The following CLIC4 variants were observed in gnomAD, a reference collection of about 807,000 sequenced individuals.
CLIC4 encodes chloride intracellular channel protein 4.
A neutral mutation model predicts 24.6 loss-of-function variants in CLIC4; 13 were observed. The observed-to-expected ratio is 0.53, with a 90% CI of 0.34 to 0.84. The LOEUF is 0.84. Among genes scored for constraint, CLIC4 ranks in the 40% least tolerant of loss-of-function variants. The pLI is 0.01. For synonymous variants in CLIC4, 104 were observed against 111.3 expected, an observed-to-expected ratio of 0.93 and a Z score of 0.41; for missense variants, 227 against 301.7, an observed-to-expected ratio of 0.75 and a Z score of 1.83.
At chr1:24,825,078 A>T (rs1639774648) in intron 3 of CLIC4, among the ~76,000 whole-genome samples, 1 of 151,904 alleles carries the variant, frequency 6.6e-6, no homozygotes, top group Admixed American at 6.6e-5. Context: ...GAGGGACAAC[A>T]GGGCATATTA....
At chr1:24,829,021 C>T (rs982876948) in intron 4 of CLIC4, among the ~76,000 whole-genome samples, 9 of 152,116 alleles carry the variant, frequency 5.9e-5, no homozygotes, top group African/African-American at 1.9e-4. Context: ...GTATGTTTGC[C>T]GCAGGCCTCA....
At position 24,841,241 on chromosome 1, in the gene CLIC4, A is replaced by G. The variant is rs550159891; in HGVS notation, c.*304A>G. On this transcript the variant is annotated 3_prime_UTR_variant, in exon 6 of 6. Coordinates refer to ENST00000374379, the MANE Select transcript of CLIC4 (RefSeq NM_013943.3). ...TTGCCATCTCTCAGGAGCCCTCACCATTGTGTCCATTCACTGTGTATAGAT... is the reference window on the plus strand; with the variant it reads ...TTGCCATCTCTCAGGAGCCCTCACCGTTGTGTCCATTCACTGTGTATAGAT... 10 of 204,234 alleles carry G rather than the reference A, an allele frequency of 4.9e-5. No homozygotes were observed. The highest frequency in any genetic ancestry group is 7.8e-5 in the Non-Finnish European group (8 of 102,200). 12.7% of individuals were successfully genotyped at this position (204,234 alleles called of 1,614,324 possible). A position where few individuals can be genotyped will look rare whatever the true frequency, so the allele number is the denominator to read the frequency against.
At chr1:24,768,918 A>C (rs1445974382) in intron 1 of CLIC4, among the ~76,000 whole-genome samples, 1 of 151,606 alleles carries the variant, frequency 6.6e-6, no homozygotes, top group African/African-American at 2.4e-5. Context: ...AAAAAAAAAA[A>C]AAGAAAAAGA....
chr1:24,758,053 C>T (rs1024180792), intron 1 of CLIC4, among the ~76,000 whole-genome samples: 2 of 152,104 alleles, frequency 1.3e-5, no homozygotes, highest in African/African-American at 4.8e-5. Flanking sequence ...GCCACCGTGC[C>T]CAGCCCTATT....
intron 3 of CLIC4, among the ~76,000 whole-genome samples, chr1:24,820,324 G>T (rs1639717847): frequency 7.6e-6 from 1 of 130,762 alleles, no homozygotes; most frequent in African/African-American, 3.0e-5. Flanking sequence ...GCCCAGGCTG[G>T]AGTGCAGTGG....
chr1:24,775,597 T>C (rs1200342358), intron 1 of CLIC4, among the ~76,000 whole-genome samples: 1 of 151,636 alleles, frequency 6.6e-6, no homozygotes, highest in African/African-American at 2.4e-5. Flanking sequence ...CCTTCTTTAT[T>C]CTACTGTTAA....
intron 1 of CLIC4, among the ~76,000 whole-genome samples, chr1:24,786,630 AT>A (rs1277172572): frequency 6.6e-6 from 1 of 151,098 alleles, no homozygotes; most frequent in African/African-American, 2.4e-5. Context: ...ATTTTTTTTT[AT>A]TTTTCAGACG....
intron 3 of CLIC4, among the ~76,000 whole-genome samples, chr1:24,821,352 C>T (rs977543165): frequency 6.6e-6 from 1 of 152,090 alleles, no homozygotes; most frequent in African/African-American, 2.4e-5. Flanking sequence ...TGAAAACAAA[C>T]ATTTTCATAT....
intron 2 of CLIC4, among the ~76,000 whole-genome samples, chr1:24,800,713 C>T (rs1304535325): frequency 6.6e-6 from 1 of 152,160 alleles, no homozygotes; most frequent in Non-Finnish European, 1.5e-5. Context: ...TCATTTTGTT[C>T]TGCACTAAGA....
At chr1:24,757,155 A>G (rs941809198) in intron 1 of CLIC4, among the ~76,000 whole-genome samples, 4 of 151,892 alleles carry the variant, frequency 2.6e-5, no homozygotes, top group African/African-American at 9.7e-5. Flanking sequence ...TCGGCCTCCC[A>G]AAGTTCTGGG....
chr1:24,789,402 C>T (rs1639307885), intron 1 of CLIC4, among the ~76,000 whole-genome samples: 1 of 152,122 alleles, frequency 6.6e-6, no homozygotes, highest in Non-Finnish European at 1.5e-5. Context: ...CCTATAATCC[C>T]AGCTATTCGG....
intron 1 of CLIC4, among the ~76,000 whole-genome samples, chr1:24,757,036 C>T (rs1377534385): frequency 1.3e-5 from 2 of 152,188 alleles, no homozygotes; most frequent in Non-Finnish European, 2.9e-5. Context: ...GCTGAGATTA[C>T]AGGCATGCAC....
At chr1:24,748,983 A>G (rs2124074391) in intron 1 of CLIC4, among the ~76,000 whole-genome samples, 1 of 151,956 alleles carries the variant, frequency 6.6e-6, no homozygotes, top group East Asian at 2.0e-4. Flanking sequence ...GCCTTTTGGG[A>G]GGCGGAGGGG....
chr1:24,757,538 G>A (rs1638866998), intron 1 of CLIC4, among the ~76,000 whole-genome samples: 1 of 151,982 alleles, frequency 6.6e-6, no homozygotes, highest in Non-Finnish European at 1.5e-5. Flanking sequence ...CCAGGAGTTC[G>A]AGACCAGCCT....
intron 4 of CLIC4, among the ~76,000 whole-genome samples, chr1:24,830,455 T>G (rs1406208164): frequency 7.0e-6 from 1 of 142,204 alleles, no homozygotes; most frequent in Non-Finnish European, 1.5e-5. Context: ...TTGTCTCAAG[T>G]TTTTTTTTTT....
At chr1:24,781,101 A>G (rs1639198548) in intron 1 of CLIC4, among the ~76,000 whole-genome samples, 1 of 150,162 alleles carries the variant, frequency 6.7e-6, no homozygotes, top group African/African-American at 2.4e-5. Flanking sequence ...AAAAAAAAAA[A>G]AAAAGAAAGA....
At chr1:24,799,683 C>A (rs1177883450) in intron 2 of CLIC4, among the ~76,000 whole-genome samples, 2 of 136,112 alleles carry the variant, frequency 1.5e-5, no homozygotes, top group Non-Finnish European at 3.2e-5. Flanking sequence ...CCAGCCGCCC[C>A]GTCCGGGAGG....
chr1:24,791,695 G>A (rs1639339731), intron 1 of CLIC4, among the ~76,000 whole-genome samples: 1 of 152,088 alleles, frequency 6.6e-6, no homozygotes, highest in African/African-American at 2.4e-5. Flanking sequence ...GACCGACATG[G>A]TGAAACACTG....
At chr1:24,746,023 T>C (rs1638691132) in intron 1 of CLIC4, among the ~76,000 whole-genome samples, 1 of 151,236 alleles carries the variant, frequency 6.6e-6, no homozygotes, top group Non-Finnish European at 1.5e-5. Context: ...TCCCCAGCGC[T>C]CCGGTCCGCC....
Sources: gnomAD v4.1 joint callset for allele counts (sites outside exome capture counted in the v4.1 genomes callset) on GRCh38, gnomAD v4.1.1 for gene constraint, MANE v1.5 for transcripts, NCBI Gene and HGNC (gene_info 2026-07-23, HGNC 2026-07-21) for gene names.